SNTB1: variants seen among roughly 807,000 people sequenced by gnomAD.
The protein encoded by SNTB1 is syntrophin beta 1.
A neutral mutation model predicts 48.9 loss-of-function variants in SNTB1; 36 were observed. The ratio of observed to expected loss-of-function variants is 0.74; its 90% CI spans 0.56 to 0.97. The LOEUF (loss-of-function observed/expected upper bound fraction) is 0.97. SNTB1 is among the 50% of genes least tolerant of loss of function. The probability of loss-of-function intolerance (pLI) is 0.00; values close to 1 mark genes in which losing one functional copy is unlikely to be tolerated. For synonymous variants in SNTB1, 299 were observed against 294.6 expected (o/e 1.01, Z -0.15); for missense variants, 786 against 703.4 (o/e 1.12, Z -1.33).
At chr8:120,691,528 A>G (rs987978008) in intron 2 of SNTB1, among the ~76,000 whole-genome samples, 3 of 152,174 alleles carry the variant, frequency 2.0e-5, no homozygotes, top group African/African-American at 7.2e-5. Context: ...CCATAGTAGA[A>G]GGTAATAGAA....
intron 3 of SNTB1, among the ~76,000 whole-genome samples, chr8:120,629,616 C>T (rs953369248): frequency 6.6e-6 from 1 of 152,144 alleles, no homozygotes; most frequent in African/African-American, 2.4e-5. Flanking sequence ...TTGCTAAAAA[C>T]CATTCATATA....
chr8:120,596,763 T>C (rs1258672211), intron 3 of SNTB1, among the ~76,000 whole-genome samples: 1 of 152,222 alleles, frequency 6.6e-6, no homozygotes, highest in African/African-American at 2.4e-5. Context: ...ACATCCCTCC[T>C]GTGTCTTTCT....
intron 3 of SNTB1, among the ~76,000 whole-genome samples, chr8:120,631,174 G>A (rs1370046279): frequency 6.6e-6 from 1 of 152,130 alleles, no homozygotes; most frequent in Admixed American, 6.5e-5. Context: ...AGTAGAAAGT[G>A]GGGAGTGATA....
At chr8:120,596,736 A>T (rs922159812) in intron 3 of SNTB1, among the ~76,000 whole-genome samples, 1 of 151,776 alleles carries the variant, frequency 6.6e-6, no homozygotes, top group African/African-American at 2.4e-5. Context: ...TGGTGGATAA[A>T]CTCTCTCTCC....
intron 2 of SNTB1, among the ~76,000 whole-genome samples, chr8:120,682,344 C>A (rs1346536228): frequency 6.6e-6 from 1 of 152,102 alleles, no homozygotes. Flanking sequence ...TAAAAAGGGA[C>A]TGTATGAGAT....
chr8:120,714,767 G>A (rs942537730), intron 1 of SNTB1, among the ~76,000 whole-genome samples: 1 of 152,178 alleles, frequency 6.6e-6, no homozygotes, highest in Non-Finnish European at 1.5e-5. Flanking sequence ...ACGGCGGAAG[G>A]TTTCAAGTCA....
At chr8:120,545,935 A>G (rs906555730) in intron 5 of SNTB1, among the ~76,000 whole-genome samples, 5 of 152,200 alleles carry the variant, frequency 3.3e-5, no homozygotes. Flanking sequence ...TATTAAACCT[A>G]TGAGGTAGGT....
chr8:120,756,957 C>T (rs1428750607), intron 1 of SNTB1, among the ~76,000 whole-genome samples: 1 of 152,200 alleles, frequency 6.6e-6, no homozygotes, highest in Non-Finnish European at 1.5e-5. Context: ...TGATCTTTTG[C>T]TCCATGGGCA....
chr8:120,598,955 G>A (rs1423557479), intron 3 of SNTB1, among the ~76,000 whole-genome samples: 1 of 152,174 alleles, frequency 6.6e-6, no homozygotes, highest in Non-Finnish European at 1.5e-5. Flanking sequence ...GTAGGACCCA[G>A]TGAAATAATG....
In SNTB1 at chr8:120,811,766, C is replaced by A; in HGVS notation, c.78G>T (p.Leu26=). ...GCCAGCGATCCCGCACCAAAACTTC[C>A]AGCAGCCCGCTCCGCTGCGCCCGGC... The part of the protein sequence containing the change: ...GGGRAQRSGL[L]EVLVRDRWHK... The change falls in exon 1 of 7, where the codon CTG becomes CTT. Residue 26 remains leucine (L), a synonymous_variant. Coordinates refer to ENST00000517992, the MANE Select transcript of SNTB1 (RefSeq NM_021021.4). 1 of 1,530,178 alleles carries A rather than the reference C, an allele frequency of 6.5e-7. No individual in the cohort carries two copies. The highest frequency in any genetic ancestry group is 1.4e-5 in the African/African-American group (1 of 70,030). The allele number at this position is 1,530,178 out of a possible 1,614,324, so 94.8% of individuals were successfully genotyped here. A position where few individuals can be genotyped will look rare whatever the true frequency, so the allele number is the denominator to read the frequency against.
At chr8:120,550,509 T>C (rs1815462231) in intron 4 of SNTB1, among the ~76,000 whole-genome samples, 1 of 139,900 alleles carries the variant, frequency 7.1e-6, no homozygotes, top group Non-Finnish European at 1.5e-5. Context: ...ACCACTGCAC[T>C]CCAGCCTGGG....
chr8:120,663,600 C>G (rs1197450003), intron 2 of SNTB1, among the ~76,000 whole-genome samples: 1 of 152,186 alleles, frequency 6.6e-6, no homozygotes, highest in Admixed American at 6.5e-5. Context: ...AGCCACTGCA[C>G]CCGGCCACAA....
In SNTB1 at chr8:120,678,113, G is replaced by A. The variant is rs138994727; in HGVS notation, c.788+15579C>T. Among the ~76,000 whole-genome samples the A allele has an allele frequency of 2.5e-4, 38 of 152,262 alleles. 1 individual carries two copies. The highest frequency in any genetic ancestry group is 8.2e-4 in the African/African-American group (34 of 41,540). ...AAAACACCACATTATAAGTGAAAGTGTGCGCATAAAGGGTAAGTGATTTGG... is the reference window on the plus strand; with the variant it reads ...AAAACACCACATTATAAGTGAAAGTATGCGCATAAAGGGTAAGTGATTTGG... On this transcript the variant is annotated intron_variant, in intron 2 of 6. Coordinates refer to ENST00000517992, the MANE Select transcript of SNTB1 (RefSeq NM_021021.4).
intron 1 of SNTB1, among the ~76,000 whole-genome samples, chr8:120,793,746 A>T (rs189197325): frequency 6.6e-5 from 10 of 152,194 alleles, no homozygotes; most frequent in African/African-American, 1.7e-4. Context: ...AAGTGATTTT[A>T]AAAATCCTAT....
chr8:120,661,878 T>C (rs1025029938), intron 2 of SNTB1, among the ~76,000 whole-genome samples: 6 of 152,236 alleles, frequency 3.9e-5, no homozygotes, highest in Admixed American at 6.5e-5. Flanking sequence ...TAAGTTTATG[T>C]ATGTTCAGAG....
At chr8:120,717,923 AAG>A (rs1277065716) in intron 1 of SNTB1, among the ~76,000 whole-genome samples, 2 of 152,208 alleles carry the variant, frequency 1.3e-5, no homozygotes, top group Non-Finnish European at 2.9e-5. Flanking sequence ...GATGGAAGAA[AAG>A]AGGTACTAGA....
intron 3 of SNTB1, among the ~76,000 whole-genome samples, chr8:120,604,227 C>T (rs1816473484): frequency 1.3e-5 from 2 of 152,142 alleles, no homozygotes; most frequent in Admixed American, 1.3e-4. Context: ...CTTTTGATAT[C>T]CCCTTGGCGT....
At position 120,753,784 on chromosome 8, in the gene SNTB1, C is replaced by T. The variant is rs190595699; in HGVS notation, c.571+57489G>A. The stretch of plus-strand genomic sequence containing the variant: ...GGGACTTTAATGATGAAACAAGCCA[C>T]ACATTTAACATTTTAACCAGTGGAT... On this transcript the variant is annotated intron_variant, in intron 1 of 6. Coordinates refer to ENST00000517992, the MANE Select transcript of SNTB1 (RefSeq NM_021021.4). Among the ~76,000 whole-genome samples, 205 of 152,178 alleles carry T rather than the reference C, an allele frequency of 1.3e-3. 1 individual carries two copies. The highest frequency in any genetic ancestry group is 3.7e-3 in the Admixed American group (56 of 15,276).
chr8:120,680,780 T>C (rs973091909), intron 2 of SNTB1, among the ~76,000 whole-genome samples: 2 of 152,148 alleles, frequency 1.3e-5, no homozygotes, highest in African/African-American at 2.4e-5. Context: ...GAACAAAGGA[T>C]CAAGACCTAT....
Sources: gnomAD v4.1 joint callset for allele counts (sites outside exome capture counted in the v4.1 genomes callset) on GRCh38, gnomAD v4.1.1 for gene constraint, MANE v1.5 for transcripts, NCBI Gene and HGNC (gene_info 2026-07-23, HGNC 2026-07-21) for gene names.